Variants in MYLIP observed in about 807,000 individuals in gnomAD.
MYLIP encodes E3 ubiquitin-protein ligase MYLIP.
MYLIP carries 26 observed loss-of-function variants against 45.8 expected under a neutral mutation model. That is an observed-to-expected ratio of 0.57 (90% CI 0.42 to 0.79). MYLIP has a LOEUF of 0.79. Ranked by LOEUF, MYLIP falls within the 30% of genes least tolerant of loss-of-function variation. MYLIP has a pLI of 0.00. For synonymous variants in MYLIP, 213 were observed against 218.1 expected, an observed-to-expected ratio of 0.98 and a Z score of 0.21; for missense variants, 494 against 555.6, an observed-to-expected ratio of 0.89 and a Z score of 1.11.
intron 2 of MYLIP, among the ~76,000 whole-genome samples, chr6:16,131,168 C>CAGTT (rs1382699905): frequency 6.6e-6 from 1 of 152,058 alleles, no homozygotes; most frequent in Non-Finnish European, 1.5e-5. Context: ...AAGCAGGAAA[C>CAGTT]AGTTCCTCTT....
chr6:16,163,829 A>C, the MYLIP span: 1 of 152,248 alleles, frequency 6.6e-6, no homozygotes, highest in Admixed American at 6.5e-5. Flanking sequence ...ACCTTGTTAA[A>C]AACCACTGTA....
chr6:16,136,164 A>G (rs1392286942), intron 2 of MYLIP, among the ~76,000 whole-genome samples: 1 of 152,154 alleles, frequency 6.6e-6, no homozygotes, highest in East Asian at 1.9e-4. Context: ...TAAAACTGCT[A>G]TCAAAATTTA....
intron 2 of MYLIP, among the ~76,000 whole-genome samples, chr6:16,139,799 T>C (rs1208374954): frequency 2.0e-5 from 3 of 152,220 alleles, no homozygotes; most frequent in Non-Finnish European, 4.4e-5. Flanking sequence ...AAACCATCTT[T>C]ATCTTCTTTG....
At chr6:16,152,780 A>T (rs1204514153), downstream of MYLIP, among the ~76,000 whole-genome samples, 1 of 152,178 alleles carries the variant, frequency 6.6e-6, no homozygotes, top group Admixed American at 6.5e-5. Flanking sequence ...GGAAGGTTGC[A>T]TTGGAGAGGA....
chr6:16,136,200 T>C (rs1017482785), intron 2 of MYLIP, among the ~76,000 whole-genome samples: 1 of 152,158 alleles, frequency 6.6e-6, no homozygotes, highest in Non-Finnish European at 1.5e-5. Context: ...TCCAGAAAGT[T>C]CCCTGAAGCC....
intron 5 of MYLIP, among the ~76,000 whole-genome samples, 157 bp from the exon 6 acceptor site, chr6:16,144,740 G>C (rs1759748251): frequency 6.6e-6 from 1 of 152,186 alleles, no homozygotes; most frequent in South Asian, 2.1e-4. Flanking sequence ...TAATCACTGA[G>C]AATATTTACC....
chr6:16,162,875 A>AT, the MYLIP span, among the ~76,000 whole-genome samples: 26 of 150,648 alleles, frequency 1.7e-4, no homozygotes, highest in Non-Finnish European at 3.5e-4. Context: ...TTTCATTATG[A>AT]TTTTTCCCCA....
the MYLIP span, among the ~76,000 whole-genome samples, chr6:16,157,141 CT>C: frequency 1.3e-5 from 2 of 152,262 alleles, no homozygotes; most frequent in Admixed American, 1.3e-4. Flanking sequence ...TCTCTCCTCA[CT>C]CCTGGACCAT....
At chr6:16,130,183 T>A (rs994734954) in intron 1 of MYLIP, among the ~76,000 whole-genome samples, 1 of 152,226 alleles carries the variant, frequency 6.6e-6, no homozygotes. Context: ...TGGTTAAAAT[T>A]GCCCAGATAA....
chr6:16,158,976 T>C, the MYLIP span, among the ~76,000 whole-genome samples: 1 of 152,200 alleles, frequency 6.6e-6, no homozygotes, highest in Admixed American at 6.5e-5. Flanking sequence ...GCCCAGAATA[T>C]AGTAACCACT....
chr6:16,149,718 C>T (rs1394320552), downstream of MYLIP, among the ~76,000 whole-genome samples: 1 of 152,092 alleles, frequency 6.6e-6, no homozygotes, highest in Non-Finnish European at 1.5e-5. Flanking sequence ...AGTCCAAGAG[C>T]AGAAAGAGAA....
At chr6:16,138,138 G>A (rs1047995390) in intron 2 of MYLIP, among the ~76,000 whole-genome samples, 16 of 152,176 alleles carry the variant, frequency 1.1e-4, no homozygotes, top group African/African-American at 3.4e-4. Context: ...ATTTCCTTAA[G>A]ACAGAGAAAA....
At chr6:16,134,763 A>G (rs182801826) in intron 2 of MYLIP, among the ~76,000 whole-genome samples, 61 of 152,370 alleles carry the variant, frequency 4.0e-4, no homozygotes, top group African/African-American at 1.3e-3. Flanking sequence ...ATTTCCAAAG[A>G]AAGTATTTAA....
the MYLIP span, among the ~76,000 whole-genome samples, chr6:16,158,331 G>A: frequency 6.6e-6 from 1 of 152,200 alleles, no homozygotes; most frequent in African/African-American, 2.4e-5. Context: ...CAGTATTTGC[G>A]ACTTTAATGT....
chr6:16,141,597 A>G (rs1436472907), intron 2 of MYLIP, 28 bp from the exon 3 acceptor site: 8 of 1,591,040 alleles, frequency 5.0e-6, no homozygotes, highest in Non-Finnish European at 6.0e-6. Context: ...ATCCCCAAGC[A>G]TAACCTCACT....
At chr6:16,143,452 C>T (rs1759718385) in intron 4 of MYLIP, among the ~76,000 whole-genome samples, 2 of 152,198 alleles carry the variant, frequency 1.3e-5, no homozygotes, top group Admixed American at 1.3e-4. Context: ...CCATAAAAAA[C>T]TTGTTTTCAG....
At chr6:16,154,229 G>A in the MYLIP span, among the ~76,000 whole-genome samples, 1 of 152,026 alleles carries the variant, frequency 6.6e-6, no homozygotes, top group Non-Finnish European at 1.5e-5. Context: ...TCAGCGTCTC[G>A]AATAGTTGCG....
Position 16,146,708 on chromosome 6 carries a change from A to G in MYLIP, c.1295A>G (p.Tyr432Cys). 4 of 1,612,030 alleles carry G rather than the reference A, an allele frequency of 2.5e-6. 1 individual carries two copies. The highest frequency in any genetic ancestry group is 3.4e-6 in the Non-Finnish European group (4 of 1,178,888). The change falls in exon 7 of 7, where the codon TAT (tyrosine) becomes TGT (cysteine). Residue 432 changes from tyrosine to cysteine, a missense_variant. Tyr to Cys is a radical substitution (Grantham distance 194). Transcript: ENST00000356840. ...RSRVEHVQHVYLPTHTSLLNL... is the reference protein window; with the variant it reads ...RSRVEHVQHVCLPTHTSLLNL... ...CGTGTGGAGCATGTCCAGCACGTCTATCTGCCAACGCACACCAGTCTTCTC... is the reference window on the plus strand; with the variant it reads ...CGTGTGGAGCATGTCCAGCACGTCTGTCTGCCAACGCACACCAGTCTTCTC...
the MYLIP span, among the ~76,000 whole-genome samples, chr6:16,158,705 T>G: frequency 1.3e-5 from 2 of 151,974 alleles, no homozygotes. Context: ...CCGTCTCTAC[T>G]AAAAAATACA....
Sources: allele counts gnomAD v4.1 joint callset (sites outside exome capture counted in the v4.1 genomes callset), GRCh38; gene constraint gnomAD v4.1.1; transcripts MANE v1.5; gene names NCBI Gene and HGNC (gene_info 2026-07-23, HGNC 2026-07-21).